The following OSBPL10 variants were observed in gnomAD, a reference collection of about 807,000 sequenced individuals.
OSBPL10 encodes the protein oxysterol binding protein like 10.
A neutral mutation model predicts 81.7 loss-of-function variants in OSBPL10; 49 were observed. That is an observed-to-expected ratio of 0.60 (90% CI 0.48 to 0.76). OSBPL10 has a LOEUF of 0.76. Ranked by LOEUF, OSBPL10 falls within the 30% of genes least tolerant of loss-of-function variation. The pLI is 0.00. For missense variants in OSBPL10, 923 were observed against 987.8 expected, an observed-to-expected ratio of 0.93 and a Z score of 0.88; for synonymous variants, 419 against 383.6, an observed-to-expected ratio of 1.09 and a Z score of -1.08.
intron 8 of OSBPL10, among the ~76,000 whole-genome samples, chr3:31,672,365 G>T (rs1464297087): frequency 1.6e-5 from 2 of 122,406 alleles, no homozygotes; most frequent in African/African-American, 5.8e-5. Context: ...CGGGGGCGGG[G>T]GGGGGGGCAG....
chr3:31,790,800 C>G (rs1468842558), intron 4 of OSBPL10, among the ~76,000 whole-genome samples: 1 of 152,216 alleles, frequency 6.6e-6, no homozygotes, highest in Non-Finnish European at 1.5e-5. Flanking sequence ...AACACTCTTG[C>G]CTGGATAAGA....
chr3:31,921,920 G>T (rs765690146), intron 1 of OSBPL10, among the ~76,000 whole-genome samples: 2 of 152,178 alleles, frequency 1.3e-5, no homozygotes, highest in Non-Finnish European at 2.9e-5. Flanking sequence ...CTTTCCCTCT[G>T]TGATCTTCCT....
chr3:32,036,805 A>C (rs1014591074), intron 2 of OSBPL10, among the ~76,000 whole-genome samples: 20 of 147,596 alleles, frequency 1.4e-4, no homozygotes, highest in African/African-American at 4.7e-4. Context: ...CCTGGGCAAC[A>C]GAGTGAGACT....
At chr3:31,985,385 A>T (rs1325688787), upstream of OSBPL10, among the ~76,000 whole-genome samples, 1 of 152,234 alleles carries the variant, frequency 6.6e-6, no homozygotes, top group Non-Finnish European at 1.5e-5. Context: ...GCCATCACAG[A>T]CCATGTAAAG....
chr3:31,986,781 T>A (rs1033462090), intron 2 of OSBPL10, among the ~76,000 whole-genome samples: 2 of 152,070 alleles, frequency 1.3e-5, no homozygotes, highest in African/African-American at 4.8e-5. Flanking sequence ...GAGGCTGAGA[T>A]GGGAGGATTG....
chr3:31,895,867 A>G (rs1159261949), intron 1 of OSBPL10, among the ~76,000 whole-genome samples: 2 of 152,218 alleles, frequency 1.3e-5, no homozygotes, highest in African/African-American at 4.8e-5. Context: ...ATCAAAACCC[A>G]GGAGAAATAG....
At chr3:31,768,304 G>C (rs1044975350) in intron 4 of OSBPL10, among the ~76,000 whole-genome samples, 2 of 152,036 alleles carry the variant, frequency 1.3e-5, no homozygotes, top group South Asian at 2.1e-4. Context: ...AGGTTTTTGC[G>C]ACCCATACCT....
At chr3:31,748,276 G>A (rs1697599996) in intron 4 of OSBPL10, among the ~76,000 whole-genome samples, 156 bp from the exon 5 acceptor site, 1 of 152,144 alleles carries the variant, frequency 6.6e-6, no homozygotes, top group Non-Finnish European at 1.5e-5. Context: ...TCAATCCTGG[G>A]TGAAATCTGT....
intron 1 of OSBPL10, among the ~76,000 whole-genome samples, chr3:31,912,434 G>A (rs1333542220): frequency 2.0e-5 from 3 of 151,700 alleles, no homozygotes; most frequent in Admixed American, 6.6e-5. Flanking sequence ...TGATAGTCAC[G>A]GGGTCGGGGG....
In OSBPL10 at chr3:31,672,084, G is replaced by A. The variant is rs1265791182; in HGVS notation, c.1727-1101C>T. 4.7e-5 allele frequency among the ~76,000 whole-genome samples: 5 copies of A among 106,474 alleles called. No homozygotes were observed. In the South Asian group the frequency reaches 1.1e-3, roughly 23 times the overall value. The allele number at this position is 106,474 out of a possible 152,430, so 69.9% of individuals were successfully genotyped here. A position where few individuals can be genotyped will look rare whatever the true frequency, so the allele number is the denominator to read the frequency against. ...GGGTAGAGGACCAGAGGTGGTTAGC[G>A]ACCGGCACCTTCCTGGGCTTCCAGT... On this transcript the variant is annotated intron_variant, in intron 8 of 11. Coordinates refer to ENST00000396556, the MANE Select transcript of OSBPL10 (RefSeq NM_017784.5).
At chr3:31,994,342 T>C (rs548223897) in intron 2 of OSBPL10, among the ~76,000 whole-genome samples, 2 of 152,326 alleles carry the variant, frequency 1.3e-5, no homozygotes, top group Admixed American at 6.5e-5. Flanking sequence ...CCAGGCCTCA[T>C]AGAAACTCAT....
At chr3:31,994,038 A>G (rs1699063534) in intron 2 of OSBPL10, among the ~76,000 whole-genome samples, 1 of 152,238 alleles carries the variant, frequency 6.6e-6, no homozygotes, top group South Asian at 2.1e-4. Context: ...ATAAATGAGT[A>G]CTCAGCAATA....
intron 1 of OSBPL10, among the ~76,000 whole-genome samples, chr3:31,885,828 CAAAAAAA>C (rs34871532): frequency 1.6e-5 from 2 of 122,610 alleles, no homozygotes; most frequent in East Asian, 2.4e-4. Flanking sequence ...ACTAAAAATA[CAAAAAAA>C]AAAAAAAAAA....
upstream of OSBPL10, chr3:31,981,445 G>T: frequency 1.3e-5 from 6 of 458,060 alleles, no homozygotes; most frequent in Non-Finnish European, 2.1e-5. The surrounding 1 kb of genome is among the most constrained non-coding windows in gnomAD (Gnocchi z 4.5). Flanking sequence ...TCCCGGGCAA[G>T]TTCGGAGCGG....
In OSBPL10 at chr3:31,952,206, C is replaced by A. The variant is rs112478757; in HGVS notation, c.281+28693G>T. ...AAGAATCCTGGTGCAAAGTGGAAAG[C>A]CATGCCTTAGTACACATTAGGTGGA... On this transcript the variant is annotated intron_variant, in intron 1 of 11. Coordinates refer to ENST00000396556, the MANE Select transcript of OSBPL10 (RefSeq NM_017784.5). 3.7e-3 allele frequency among the ~76,000 whole-genome samples: 559 copies of A among 151,768 alleles called. 2 individuals carry two copies. The highest frequency in any genetic ancestry group is 5.9e-3 in the Non-Finnish European group (399 of 68,026).
chr3:31,727,918 G>A (rs1020049111), intron 6 of OSBPL10, among the ~76,000 whole-genome samples: 1 of 152,198 alleles, frequency 6.6e-6, no homozygotes, highest in Non-Finnish European at 1.5e-5. Flanking sequence ...CAGATGGACA[G>A]CTTTATGGCT....
At chr3:31,737,040 C>G (rs184081461) in intron 5 of OSBPL10, among the ~76,000 whole-genome samples, 115 of 152,302 alleles carry the variant, frequency 7.6e-4, no homozygotes, top group African/African-American at 2.6e-3. Flanking sequence ...TAGGGCACCA[C>G]AGAGCAAGAA....
At chr3:31,929,224 T>C (rs751002523) in intron 1 of OSBPL10, among the ~76,000 whole-genome samples, 2 of 152,198 alleles carry the variant, frequency 1.3e-5, no homozygotes, top group Non-Finnish European at 2.9e-5. Flanking sequence ...TCATAAAATA[T>C]ATCTCAGGAT....
chr3:31,817,057 GC>G (rs1417900458), intron 4 of OSBPL10, among the ~76,000 whole-genome samples: 3 of 152,114 alleles, frequency 2.0e-5, no homozygotes, highest in African/African-American at 7.2e-5. Flanking sequence ...CCCTGCTCTG[GC>G]TGAGCCCAGG....
Sources: gnomAD v4.1 joint callset for allele counts (sites outside exome capture counted in the v4.1 genomes callset) on GRCh38, gnomAD v4.1.1 for gene constraint, Gnocchi (gnomAD v3.1) non-coding constraint, MANE v1.5 for transcripts, NCBI Gene and HGNC (gene_info 2026-07-23, HGNC 2026-07-21) for gene names.